HNF4A: variants seen among roughly 807,000 people sequenced by gnomAD.
The protein encoded by HNF4A is hepatocyte nuclear factor 4 alpha.
Under a neutral mutation model 52.4 loss-of-function variants are expected in HNF4A, and 15 were observed. The observed-to-expected ratio is 0.29, with a 90% CI of 0.19 to 0.44. The LOEUF (loss-of-function observed/expected upper bound fraction) is 0.44. Ranked by LOEUF, HNF4A falls within the 20% of genes least tolerant of loss-of-function variation. The pLI is 1.00. For synonymous variants in HNF4A, 280 were observed against 264.4 expected (o/e 1.06, Z -0.57); for missense variants, 479 against 647.2 (o/e 0.74, Z 2.82).
At chr20:44,433,938 G>T (rs529455929), downstream of HNF4A, 1 of 152,154 alleles carries the variant, frequency 6.6e-6, no homozygotes, top group Non-Finnish European at 1.5e-5. Context: ...GGTTATTGCC[G>T]GAGTGTTTAC....
Position 44,418,411 on chromosome 20 carries a change from C to T in HNF4A, c.649-14C>T. 1.2e-6 allele frequency: 2 copies of T among 1,612,058 alleles called. No homozygotes were observed. ...AGGGTACAGATGGCAAACACTGTTC[C>T]TTCTCTCTTTCAGGTGGCCCTGCTC... On this transcript the variant is annotated splice_polypyrimidine_tract_variant and intron_variant, in intron 5 of 9. Coordinates refer to ENST00000316099, the MANE Select transcript of HNF4A (RefSeq NM_000457.6).
intron 1 of HNF4A, among the ~76,000 whole-genome samples, chr20:44,370,244 G>A (rs1350731955): frequency 6.6e-6 from 1 of 152,036 alleles, no homozygotes; most frequent in Non-Finnish European, 1.5e-5. Flanking sequence ...AGCCAGGATG[G>A]TCTCGATCTC....
At position 44,428,153 on chromosome 20, in the gene HNF4A, C is replaced by T. The variant is rs2063834042; in HGVS notation, c.1130-182C>T. ...TGGTTTTTTGGGGTCCTCTTAACAC[C>T]CTCATGAAGTCTATAGATGGGAATG... On this transcript the variant is annotated intron_variant, in intron 8 of 9. Transcript: ENST00000316099. Among the ~76,000 whole-genome samples, 4 of 152,096 alleles carry T rather than the reference C, an allele frequency of 2.6e-5. No homozygotes were observed. The South Asian group carries it at 8.3e-4, about 32-fold the overall frequency.
intron 1 of HNF4A, chr20:44,402,703 A>T (rs932170301): frequency 9.2e-7 from 1 of 1,085,362 alleles, no homozygotes; most frequent in African/African-American, 1.6e-5. Context: ...CATCGGTCCC[A>T]GGCCAGCCTC....
intron 5 of HNF4A, among the ~76,000 whole-genome samples, chr20:44,417,692 G>A (rs1568734464): frequency 6.6e-6 from 1 of 152,092 alleles, no homozygotes; most frequent in African/African-American, 2.4e-5. Context: ...GTATTTTCAG[G>A]CCGGGCGCAG....
At chr20:44,408,477 C>T (rs1216602811) in intron 3 of HNF4A, among the ~76,000 whole-genome samples, 3 of 152,208 alleles carry the variant, frequency 2.0e-5, no homozygotes, top group African/African-American at 7.2e-5. Context: ...GTAATCCCAG[C>T]ACTTTGGGAG....
chr20:44,418,604 A>G, intron 6 of HNF4A, 92 bp downstream of exon 6: 1 of 979,486 alleles, frequency 1.0e-6, no homozygotes, highest in Admixed American at 1.7e-5. Flanking sequence ...GGTGGCATGC[A>G]AGGGTGAGGG....
intron 8 of HNF4A, chr20:44,424,550 T>C (rs1374204110): frequency 8.9e-7 from 1 of 1,123,946 alleles, no homozygotes; most frequent in Non-Finnish European, 1.3e-6. Context: ...TATGTATGGA[T>C]GCGTGGATAT....
chr20:44,425,938 G>A (rs187823982), intron 8 of HNF4A, among the ~76,000 whole-genome samples: 8 of 152,296 alleles, frequency 5.3e-5, no homozygotes, highest in Admixed American at 5.2e-4. Context: ...GGGATTACAG[G>A]TGTGAGCCAC....
intron 8 of HNF4A, chr20:44,424,579 G>A (rs1202364863): frequency 7.4e-7 from 1 of 1,350,264 alleles, no homozygotes; most frequent in Non-Finnish European, 9.8e-7. Flanking sequence ...ATGCCCGTAT[G>A]TGCGTGCATG....
intron 1 of HNF4A, chr20:44,390,621 C>T (rs2063291098): frequency 1.4e-6 from 1 of 702,504 alleles, no homozygotes; most frequent in Non-Finnish European, 2.6e-6. Context: ...GTGCGGGACC[C>T]CATAGCAGCA....
chr20:44,401,404 A>T lies in HNF4A; in HGVS notation c.32A>T (p.Asp11Val). The T allele has an allele frequency of 6.2e-7, 1 of 1,614,214 alleles. No homozygotes were observed. The highest frequency in any genetic ancestry group is 8.5e-7 in the Non-Finnish European group (1 of 1,180,034). ...CTCTCCAAAACCCTCGTCGACATGG[A>T]CATGGCCGACTACAGTGCTGCACTG... The change falls in exon 1 of 10, where the codon GAC becomes GTC. Residue 11 changes from aspartate to valine, a missense_variant. Coordinates refer to ENST00000316099, the MANE Select transcript of HNF4A (RefSeq NM_000457.6).
intron 1 of HNF4A, among the ~76,000 whole-genome samples, chr20:44,388,693 C>T (rs2063264660): frequency 6.6e-6 from 1 of 152,166 alleles, no homozygotes; most frequent in African/African-American, 2.4e-5. Flanking sequence ...CTGCGTTGGC[C>T]ACGAGGAGGA....
intron 1 of HNF4A, among the ~76,000 whole-genome samples, chr20:44,360,572 A>C (rs548245924): frequency 6.6e-6 from 1 of 152,200 alleles, no homozygotes; most frequent in East Asian, 1.9e-4. Flanking sequence ...AAGATGGATG[A>C]ATGGATGGAT....
At chr20:44,385,159 C>CTA in intron 1 of HNF4A, among the ~76,000 whole-genome samples, 1 of 138,274 alleles carries the variant, frequency 7.2e-6, no homozygotes, top group East Asian at 2.3e-4. Context: ...TCACCACTTG[C>CTA]TATCTAGGGA....
At chr20:44,361,245 G>A (rs528796875) in intron 1 of HNF4A, among the ~76,000 whole-genome samples, 7 of 152,234 alleles carry the variant, frequency 4.6e-5, no homozygotes, top group Admixed American at 1.3e-4. Flanking sequence ...GTCTCCTGGG[G>A]TGAGTTCCAA....
chr20:44,369,790 A>G (rs2063012867), intron 1 of HNF4A, among the ~76,000 whole-genome samples: 1 of 151,510 alleles, frequency 6.6e-6, no homozygotes, highest in East Asian at 2.0e-4. Context: ...GCGTGTCACC[A>G]TGCCCAGCAA....
chr20:44,413,190 A>G (rs2063611151), intron 3 of HNF4A, among the ~76,000 whole-genome samples: 1 of 152,192 alleles, frequency 6.6e-6, no homozygotes, highest in Non-Finnish European at 1.5e-5. Context: ...GCTGATGCTG[A>G]GGTTAGTCTG....
At chr20:44,368,762 C>G (rs2146195779) in intron 1 of HNF4A, among the ~76,000 whole-genome samples, 1 of 152,314 alleles carries the variant, frequency 6.6e-6, no homozygotes, top group East Asian at 1.9e-4. Context: ...GGTTCACATA[C>G]AGACAAAGTC....
Sources: gnomAD v4.1 joint callset for allele counts (sites outside exome capture counted in the v4.1 genomes callset) on GRCh38, gnomAD v4.1.1 for gene constraint, MANE v1.5 for transcripts, NCBI Gene and HGNC (gene_info 2026-07-23, HGNC 2026-07-21) for gene names.